Variants in FRMPD4 observed in about 807,000 individuals in gnomAD.
FRMPD4 encodes FERM and PDZ domain containing 4.
A neutral mutation model predicts 94.1 loss-of-function variants in FRMPD4; 22 were observed. The ratio of observed to expected loss-of-function variants is 0.23; its 90% CI spans 0.17 to 0.33. The LOEUF (loss-of-function observed/expected upper bound fraction) is 0.33. Among genes scored for constraint, FRMPD4 ranks in the 10% least tolerant of loss-of-function variants. The pLI, the probability that FRMPD4 is intolerant of heterozygous loss-of-function variation, is 1.00. For synonymous variants in FRMPD4, 631 were observed against 548.6 expected (o/e 1.15, Z -2.10); for missense variants, 1,111 against 1,339.9 (o/e 0.83, Z 2.67).
At chrX:12,646,665 A>G (rs1158374501) in intron 4 of FRMPD4, among the ~76,000 whole-genome samples, 1 of 112,059 alleles carries the variant, frequency 8.9e-6, no homozygotes, top group Non-Finnish European at 1.9e-5. Flanking sequence ...GTAAGAAGGT[A>G]TATTCCATCC....
intron 4 of FRMPD4, among the ~76,000 whole-genome samples, chrX:12,645,635 G>T (rs1315595590): frequency 2.7e-5 from 3 of 110,396 alleles, no homozygotes; most frequent in Non-Finnish European, 5.7e-5. Flanking sequence ...GATTACAGGC[G>T]TGAGCCACCG....
chrX:12,233,462 T>TATC (rs1205491277), intron 1 of FRMPD4, among the ~76,000 whole-genome samples: 1 of 111,794 alleles, frequency 8.9e-6, no homozygotes, highest in East Asian at 2.8e-4. Flanking sequence ...TTTGAATCAA[T>TATC]ATCTTTCTGG....
At chrX:12,417,214 T>C (rs1257661095) in intron 1 of FRMPD4, among the ~76,000 whole-genome samples, 1 of 111,499 alleles carries the variant, frequency 9.0e-6, no homozygotes, top group African/African-American at 3.3e-5. Flanking sequence ...TACACTAGTA[T>C]CACTTCAAAA....
chrX:11,987,681 C>T (rs1281799558), intron 3 of FRMPD4, among the ~76,000 whole-genome samples: 1 of 111,284 alleles, frequency 9.0e-6, no homozygotes, highest in Non-Finnish European at 1.9e-5. Context: ...CCTAAATACT[C>T]CATCAAAAAA....
Position 12,210,595 on chromosome X carries a change from A to G in FRMPD4, c.41+71583A>G, listed in dbSNP as rs1216195253. 3.6e-5 allele frequency among the ~76,000 whole-genome samples: 4 copies of G among 111,491 alleles called. No homozygotes were observed. In the East Asian group the frequency reaches 1.1e-3, roughly 32 times the overall value. The stretch of plus-strand genomic sequence containing the variant: ...AGGGTGTCTTCATCTTGTACAAAAC[A>G]CAAAGGGGGAGTAGCTTCTTAACTT... On this transcript the variant is annotated intron_variant, in intron 1 of 16. Transcript: ENST00000675598.
chrX:12,355,738 T>G (rs191355787), intron 1 of FRMPD4, among the ~76,000 whole-genome samples: 27 of 111,978 alleles, frequency 2.4e-4, no homozygotes, highest in African/African-American at 8.7e-4. Context: ...GGGAGGAATT[T>G]GCAACTTTCA....
chrX:12,521,377 T>TG (rs1176432951), intron 2 of FRMPD4, among the ~76,000 whole-genome samples: 4 of 112,202 alleles, frequency 3.6e-5, no homozygotes, highest in Non-Finnish European at 7.5e-5. Context: ...ACAAGGCATT[T>TG]GGAAGATCGT....
chrX:12,719,110 G>T (rs972099165), intron 16 of FRMPD4, among the ~76,000 whole-genome samples: 1 of 112,400 alleles, frequency 8.9e-6, no homozygotes, highest in African/African-American at 3.2e-5. Context: ...TGATAGTATT[G>T]CTTAGAGTCA....
intron 1 of FRMPD4, among the ~76,000 whole-genome samples, chrX:12,299,777 C>T (rs2147889175): frequency 8.9e-6 from 1 of 111,904 alleles, no homozygotes; most frequent in East Asian, 2.8e-4. Context: ...AAAAGTAAGT[C>T]ATGCTGACAA....
At chrX:12,387,192 G>C (rs1462764632) in intron 1 of FRMPD4, among the ~76,000 whole-genome samples, 1 of 111,870 alleles carries the variant, frequency 8.9e-6, no homozygotes, top group Non-Finnish European at 1.9e-5. Flanking sequence ...ATGATATTAG[G>C]AAGCTTTTTA....
At chrX:12,505,052 A>T (rs1298920946) in intron 2 of FRMPD4, among the ~76,000 whole-genome samples, 3 of 111,865 alleles carry the variant, frequency 2.7e-5, no homozygotes, top group Non-Finnish European at 3.8e-5. Flanking sequence ...TATGCTGTAT[A>T]TAGCCCCTAG....
chrX:12,718,271 C>T lies in FRMPD4; in HGVS notation c.3445C>T (p.Arg1149Cys), dbSNP rs376578782. ...TGGCTCAGGACTTGGTCAAGGGGAC[C>T]GCTTCTTAACTGACGTGACCTGTGC... is the stretch of plus-strand genomic sequence containing the variant. Reference protein sequence around the residue: ...SDGSGLGQGDRFLTDVTCASS... With the variant: ...SDGSGLGQGDCFLTDVTCASS... The change falls in exon 16 of 17, where the codon CGC (arginine) becomes TGC (cysteine). Residue 1149 changes from arginine (R) to cysteine (C), a missense_variant. Physicochemically the swap from Arg to Cys is radical, Grantham distance 180. This residue lies in a region of FRMPD4 where 551 missense variants were observed against 591.6 expected (regional missense o/e 0.93). Coordinates refer to ENST00000675598, the MANE Select transcript of FRMPD4 (RefSeq NM_001368397.1). 57 of 1,209,643 alleles carry T rather than the reference C, an allele frequency of 4.7e-5. No individual in the cohort carries two copies. Among genetic ancestry groups the T allele is most frequent in the African/African-American group, 7.0e-5 (4 of 57,127 alleles).
At chrX:12,091,675 G>A (rs2055154769) in intron 3 of FRMPD4, among the ~76,000 whole-genome samples, 1 of 111,718 alleles carries the variant, frequency 9.0e-6, no homozygotes, top group Non-Finnish European at 1.9e-5. Flanking sequence ...CTTTGGTAGT[G>A]TCTAGAGACA....
At chrX:12,488,918 A>G (rs1317979310) in intron 1 of FRMPD4, among the ~76,000 whole-genome samples, 4 of 112,118 alleles carry the variant, frequency 3.6e-5, no homozygotes, top group African/African-American at 9.7e-5. Context: ...CGAAGGCCAC[A>G]TGTGGATTTG....
intron 1 of FRMPD4, among the ~76,000 whole-genome samples, chrX:12,439,707 G>C (rs2148119847): frequency 8.9e-6 from 1 of 112,260 alleles, no homozygotes; most frequent in East Asian, 2.8e-4. Flanking sequence ...GGGTGACTTA[G>C]ATTGTATGAG....
intron 3 of FRMPD4, among the ~76,000 whole-genome samples, chrX:12,108,734 C>G (rs745895208): frequency 3.7e-4 from 41 of 111,472 alleles, no homozygotes; most frequent in Admixed American, 5.7e-4. Context: ...GGATGATCTA[C>G]CAAGCATATG....
intron 1 of FRMPD4, among the ~76,000 whole-genome samples, chrX:12,259,724 A>G (rs2054165372): frequency 8.9e-6 from 1 of 111,774 alleles, no homozygotes; most frequent in Non-Finnish European, 1.9e-5. Context: ...GAAACCAGGG[A>G]AATATAGTCT....
At chrX:12,660,920 G>A (rs1036225097) in intron 4 of FRMPD4, among the ~76,000 whole-genome samples, 7 of 111,715 alleles carry the variant, frequency 6.3e-5, no homozygotes, top group African/African-American at 2.0e-4. Flanking sequence ...AGTGAAAGCT[G>A]GCCAGGCATC....
intron 1 of FRMPD4, among the ~76,000 whole-genome samples, chrX:12,356,465 G>A (rs2055897441): frequency 1.8e-5 from 2 of 111,040 alleles, no homozygotes; most frequent in South Asian, 3.9e-4. Context: ...TCATCCTGAA[G>A]TGATGGTATT....
Sources: gnomAD v4.1 joint callset for allele counts (sites outside exome capture counted in the v4.1 genomes callset) on GRCh38, gnomAD v4.1.1 for gene constraint, gnomAD v4.1.1 regional missense constraint, MANE v1.5 for transcripts, NCBI Gene and HGNC (gene_info 2026-07-23, HGNC 2026-07-21) for gene names.